The following COL5A1 variants were observed in gnomAD, a reference collection of about 807,000 sequenced individuals.
The protein encoded by COL5A1 is collagen type V alpha 1 chain.
Under a neutral mutation model 263.7 loss-of-function variants are expected in COL5A1, and 16 were observed. The ratio of observed to expected loss-of-function variants is 0.06; its 90% CI spans 0.04 to 0.09. COL5A1 has a LOEUF of 0.09. Ranked by LOEUF, COL5A1 falls within the 10% of genes least tolerant of loss-of-function variation. The pLI is 1.00. For missense variants in COL5A1, 2,036 were observed against 2,540.5 expected, an observed-to-expected ratio of 0.80 and a Z score of 4.27; for synonymous variants, 1,012 against 1,004.5, an observed-to-expected ratio of 1.01 and a Z score of -0.14.
Position 134,665,058 on chromosome 9 carries a change from G to A in COL5A1, c.109+22762G>A, listed in dbSNP as rs145177030. ...TGCTGAAAATACAAAAATTAGCCAGGTGTGGTGGCGGGCGTCTGTAATCCC... is the reference window on the plus strand; with the variant it reads ...TGCTGAAAATACAAAAATTAGCCAGATGTGGTGGCGGGCGTCTGTAATCCC... On this transcript the variant is annotated intron_variant, in intron 1 of 65. Coordinates refer to ENST00000371817, the MANE Select transcript of COL5A1 (RefSeq NM_000093.5). Among the ~76,000 whole-genome samples the A allele has an allele frequency of 1.3e-3, 195 of 152,320 alleles. 2 individuals carry two copies. In the South Asian group the frequency reaches 0.024, roughly 19 times the overall value.
intron 2 of COL5A1, among the ~76,000 whole-genome samples, chr9:134,697,420 G>A (rs1268159227): frequency 6.6e-6 from 1 of 152,190 alleles, no homozygotes; most frequent in Non-Finnish European, 1.5e-5. Flanking sequence ...TGGGCCTAGC[G>A]GTGCCTTGTG....
Position 134,677,650 on chromosome 9 carries a change from C to A in COL5A1, c.110-13262C>A, listed in dbSNP as rs772397418. 6.6e-6 allele frequency among the ~76,000 whole-genome samples: 1 copy of A among 152,204 alleles called. No individual in the cohort carries two copies. The highest frequency in any genetic ancestry group is 1.5e-5 in the Non-Finnish European group (1 of 68,036). On this transcript the variant is annotated intron_variant, in intron 1 of 65. Transcript: ENST00000371817. The surrounding 1 kb of genome is among the most constrained non-coding windows in gnomAD (Gnocchi z 4.4). ...GCCGTCCCTGGGGCCATTCTTCAAG[C>A]GCCCTTTTCCATCCTGTAGTGAGCC...
At position 134,771,075 on chromosome 9, in the gene COL5A1, G is replaced by A. The variant is rs566330922; in HGVS notation, c.2287-1715G>A. Among the ~76,000 whole-genome samples the A allele has an allele frequency of 1.1e-3, 160 of 152,366 alleles. 1 individual carries two copies. The South Asian group carries it at 0.029, about 28-fold the overall frequency. On this transcript the variant is annotated intron_variant, in intron 25 of 65. Transcript: ENST00000371817. ...TGAGCCCCTTGCAAACGCTCTGTGC[G>A]TCTCCGCAGCGGCGCTGTGTGCAGA...
At chr9:134,654,423 GT>G (rs1831839023) in intron 1 of COL5A1, among the ~76,000 whole-genome samples, 1 of 109,928 alleles carries the variant, frequency 9.1e-6, no homozygotes, top group Non-Finnish European at 1.9e-5. Flanking sequence ...AGGGCTGGAG[GT>G]GTGTAGGGCT....
chr9:134,825,269 G>A (rs1023020749), intron 62 of COL5A1, among the ~76,000 whole-genome samples: 8 of 152,200 alleles, frequency 5.3e-5, no homozygotes, highest in East Asian at 1.9e-4. Flanking sequence ...GGCAGCAGAC[G>A]CTGTGCTTGG....
intron 1 of COL5A1, among the ~76,000 whole-genome samples, chr9:134,674,131 C>T (rs564778669): frequency 1.7e-4 from 26 of 152,310 alleles, no homozygotes; most frequent in Admixed American, 9.2e-4. Context: ...ATTAGCCCTT[C>T]CTTTACCACA....
intron 1 of COL5A1, among the ~76,000 whole-genome samples, chr9:134,667,361 C>A (rs1832391502): frequency 6.6e-6 from 1 of 152,214 alleles, no homozygotes; most frequent in Admixed American, 6.5e-5. Flanking sequence ...GAACGCTGAC[C>A]ACCAGGGCCT....
At chr9:134,719,389 C>T (rs528195286) in intron 4 of COL5A1, among the ~76,000 whole-genome samples, 1 of 152,362 alleles carries the variant, frequency 6.6e-6, no homozygotes, top group Non-Finnish European at 1.5e-5. Context: ...CCCATGTGCA[C>T]ACCTGCATCA....
chr9:134,737,617 C>A (rs7855576), intron 9 of COL5A1, among the ~76,000 whole-genome samples: 45,450 of 152,076 alleles, frequency 0.3, 7,063 homozygotes, highest in African/African-American at 0.37. Context: ...GGTGCCTGAC[C>A]CTGGCGTTGC....
intron 1 of COL5A1, among the ~76,000 whole-genome samples, chr9:134,687,500 A>ATCCATCCG (rs1196465063): frequency 2.6e-5 from 4 of 151,808 alleles, no homozygotes; most frequent in African/African-American, 9.7e-5. Flanking sequence ...CCATCCATCC[A>ATCCATCCG]CCATGTGATG....
At chr9:134,780,439 C>T (rs1161731709) in intron 28 of COL5A1, among the ~76,000 whole-genome samples, 1 of 152,210 alleles carries the variant, frequency 6.6e-6, no homozygotes, top group African/African-American at 2.4e-5. Context: ...AGACAACACA[C>T]GGCCCCCCAC....
chr9:134,654,880 G>T (rs1221414049), intron 1 of COL5A1, among the ~76,000 whole-genome samples: 3 of 129,980 alleles, frequency 2.3e-5, no homozygotes, highest in Admixed American at 1.6e-4. Flanking sequence ...AGGGCTGGGG[G>T]TGTGTAGGGC....
chr9:134,725,939 C>T (rs1451847881), intron 4 of COL5A1, among the ~76,000 whole-genome samples: 1 of 152,154 alleles, frequency 6.6e-6, no homozygotes, highest in African/African-American at 2.4e-5. Context: ...TTGTTTGAGT[C>T]CCTGTTTTGT....
intron 1 of COL5A1, among the ~76,000 whole-genome samples, chr9:134,687,541 G>A (rs1389627665): frequency 1.3e-5 from 2 of 152,158 alleles, no homozygotes; most frequent in African/African-American, 4.8e-5. Flanking sequence ...CGGTCATGGC[G>A]AGGGTTCCAT....
intron 24 of COL5A1, among the ~76,000 whole-genome samples, chr9:134,768,141 A>C (rs1296604901): frequency 6.6e-6 from 1 of 152,224 alleles, no homozygotes; most frequent in Non-Finnish European, 1.5e-5. Flanking sequence ...CCCAGTATGC[A>C]GCAGGTGGAT....
In COL5A1 at chr9:134,682,661, G is replaced by A. The variant is rs1363368380; in HGVS notation, c.110-8251G>A. Among the ~76,000 whole-genome samples, 2 of 152,212 alleles carry A rather than the reference G, an allele frequency of 1.3e-5. No individual in the cohort carries two copies. Among genetic ancestry groups the A allele is most frequent in the Admixed American group, 1.3e-4 (2 of 15,284 alleles). On this transcript the variant is annotated intron_variant, in intron 1 of 65. Transcript: ENST00000371817. This position sits in a 1 kb window ranked among gnomAD's most constrained non-coding sequence, Gnocchi z 5.1. ...CTCCTTGACTGGAAAGTAACAGTGG[G>A]CACTGCTCCGGCTCAGGGGGGCACC...
Position 134,741,160 on chromosome 9 carries a change from C to T in COL5A1, c.1494+2352C>T, listed in dbSNP as rs1008042899. 6.6e-6 allele frequency among the ~76,000 whole-genome samples: 1 copy of T among 152,210 alleles called. No individual in the cohort carries two copies. Among genetic ancestry groups the T allele is most frequent in the African/African-American group, 2.4e-5 (1 of 41,438 alleles). On this transcript the variant is annotated intron_variant, in intron 11 of 65. Coordinates refer to ENST00000371817, the MANE Select transcript of COL5A1 (RefSeq NM_000093.5). The surrounding 1 kb of genome is among the most constrained non-coding windows in gnomAD (Gnocchi z 4.5). ...AAAGATCACTGGCTATGGGGTGAGG[C>T]CCTGCAGTGCAGCCTGCGGTGGGCC...
chr9:134,760,799 C>T (rs537957153), intron 18 of COL5A1, among the ~76,000 whole-genome samples: 36 of 146,432 alleles, frequency 2.5e-4, no homozygotes, highest in African/African-American at 8.5e-4. Flanking sequence ...CACACGCATA[C>T]ACCCTGACAC....
Position 134,841,658 on chromosome 9 carries a change from G to A in COL5A1, c.5371-499G>A, listed in dbSNP as rs1290545585. On this transcript the variant is annotated intron_variant, in intron 65 of 65. Coordinates refer to ENST00000371817, the MANE Select transcript of COL5A1 (RefSeq NM_000093.5). The surrounding 1 kb of genome is among the most constrained non-coding windows in gnomAD (Gnocchi z 4.8). ...AGGCAGTGTGTGGCAGGTGGTCGTAGGGGGGTCTTACTTGGCTCAAGGCTC... is the reference window on the plus strand; with the variant it reads ...AGGCAGTGTGTGGCAGGTGGTCGTAAGGGGGTCTTACTTGGCTCAAGGCTC... Among the ~76,000 whole-genome samples, 2 of 152,130 alleles carry A rather than the reference G, an allele frequency of 1.3e-5. No individual in the cohort carries two copies. Among genetic ancestry groups the A allele is most frequent in the African/African-American group, 2.4e-5 (1 of 41,426 alleles).
Sources: gnomAD v4.1 joint callset for allele counts (sites outside exome capture counted in the v4.1 genomes callset) on GRCh38, gnomAD v4.1.1 for gene constraint, Gnocchi (gnomAD v3.1) non-coding constraint, MANE v1.5 for transcripts, NCBI Gene and HGNC (gene_info 2026-07-23, HGNC 2026-07-21) for gene names.